MCC: variants seen among roughly 807,000 people sequenced by gnomAD.
MCC encodes the protein colorectal mutant cancer protein.
A neutral mutation model predicts 116.2 loss-of-function variants in MCC; 90 were observed. That is an observed-to-expected ratio of 0.77 (90% CI 0.65 to 0.92). The LOEUF is 0.92. Ranked by LOEUF, MCC falls within the 40% of genes least tolerant of loss-of-function variation. The pLI, the probability that MCC is intolerant of heterozygous loss-of-function variation, is 0.00. For missense variants in MCC, 1,516 were observed against 1,312.2 expected (o/e 1.16, Z -2.40); for synonymous variants, 578 against 510.5 (o/e 1.13, Z -1.78).
chr5:113,137,138 C>G (rs1480445386), intron 5 of MCC, among the ~76,000 whole-genome samples: 1 of 152,104 alleles, frequency 6.6e-6, no homozygotes, highest in South Asian at 2.1e-4. Context: ...CCTCAGAAAA[C>G]TTATAATCAT....
chr5:113,146,794 G>A (rs1467081051), intron 4 of MCC, among the ~76,000 whole-genome samples: 1 of 152,122 alleles, frequency 6.6e-6, no homozygotes. Flanking sequence ...ATAAAAATTG[G>A]TCTCAAATAA....
intron 2 of MCC, among the ~76,000 whole-genome samples, chr5:113,356,418 T>A (rs186627724): frequency 2.1e-5 from 3 of 145,034 alleles, no homozygotes; most frequent in East Asian, 2.0e-4. Context: ...AGTTTTAAAA[T>A]ATATATATAT....
intron 3 of MCC, among the ~76,000 whole-genome samples, chr5:113,229,950 C>CAA (rs1308786841): frequency 5.3e-5 from 8 of 152,144 alleles, no homozygotes; most frequent in African/African-American, 1.9e-4. Flanking sequence ...AAAATGTATC[C>CAA]CAGTTGTTAA....
chr5:113,025,666 G>A lies in MCC; in HGVS notation c.*1636C>T, dbSNP rs1282382079. The A allele has an allele frequency of 6.6e-6, 1 of 151,658 alleles. No homozygotes were observed. Among genetic ancestry groups the A allele is most frequent in the Non-Finnish European group, 1.5e-5 (1 of 67,988 alleles). The allele number at this position is 151,658 out of a possible 1,614,324, so 9.4% of individuals were successfully genotyped here. A position where few individuals can be genotyped will look rare whatever the true frequency, so the allele number is the denominator to read the frequency against. On this transcript the variant is annotated 3_prime_UTR_variant, in exon 19 of 19. Transcript: ENST00000408903. Reference sequence around the variant, plus strand: ...ACAGAAACCAGTGAACATTTTCATAGTGATCAAAGCACCCCAAAGCTGGTC... The same window carrying A: ...ACAGAAACCAGTGAACATTTTCATAATGATCAAAGCACCCCAAAGCTGGTC...
chr5:113,077,148 T>C (rs896161181), intron 11 of MCC, among the ~76,000 whole-genome samples: 2 of 152,086 alleles, frequency 1.3e-5, no homozygotes, highest in African/African-American at 4.8e-5. Flanking sequence ...AGCACCCAGA[T>C]TCATAAAGCA....
At chr5:113,115,400 A>G (rs1468279614) in intron 6 of MCC, among the ~76,000 whole-genome samples, 2 of 152,186 alleles carry the variant, frequency 1.3e-5, no homozygotes, top group African/African-American at 4.8e-5. Flanking sequence ...CAGGACTTCT[A>G]TTTTAGTAAA....
chr5:113,327,560 AAATATAT>A lies in MCC; in HGVS notation c.627+12952_627+12958del, dbSNP rs1265862056. Among the ~76,000 whole-genome samples the A allele has an allele frequency of 3.0e-5, 3 of 100,384 alleles. No individual in the cohort carries two copies. The East Asian group carries it at 6.9e-4, about 23-fold the overall frequency. The allele number at this position is 100,384 out of a possible 152,430, so 65.9% of individuals were successfully genotyped here. ...GACTCAGTCTCAAAAAAAAAAAAAA[AAATATAT>A]ATATATATATATATATATAAAAATC... On this transcript the variant is annotated intron_variant, in intron 3 of 18. Transcript: ENST00000408903.
At chr5:113,241,776 C>T (rs1436617336) in intron 3 of MCC, among the ~76,000 whole-genome samples, 3 of 152,216 alleles carry the variant, frequency 2.0e-5, no homozygotes, top group African/African-American at 7.2e-5. Flanking sequence ...AAGTTTCATT[C>T]TGCCAAATGT....
At chr5:113,433,260 G>C in intron 1 of MCC, 1 of 188,354 alleles carries the variant, frequency 5.3e-6, no homozygotes, top group Non-Finnish European at 1.1e-5. Flanking sequence ...CCTCGTCCCC[G>C]TCCAGCCCCA....
intron 3 of MCC, among the ~76,000 whole-genome samples, chr5:113,159,636 A>T (rs1760371639): frequency 6.6e-6 from 1 of 152,150 alleles, no homozygotes; most frequent in South Asian, 2.1e-4. Flanking sequence ...GCACATGAAA[A>T]AGCCTCATTC....
chr5:113,313,893 T>G (rs562852429), intron 3 of MCC, among the ~76,000 whole-genome samples: 250 of 152,286 alleles, frequency 1.6e-3, no homozygotes, highest in African/African-American at 5.7e-3. Flanking sequence ...TGATCACAGC[T>G]CACTGCAGCC....
At chr5:113,486,841 A>AT (rs1452351979) in intron 1 of MCC, among the ~76,000 whole-genome samples, 1 of 13,886 alleles carries the variant, frequency 7.2e-5, no homozygotes, top group Non-Finnish European at 1.6e-4. Context: ...GATTCTGTCT[A>AT]AAAAAAAAAA....
intron 8 of MCC, among the ~76,000 whole-genome samples, chr5:113,092,720 G>A (rs898133100): frequency 7.9e-5 from 12 of 152,186 alleles, no homozygotes; most frequent in Non-Finnish European, 1.8e-4. Flanking sequence ...AGCTGACACT[G>A]ACGTAGGTGG....
intron 2 of MCC, among the ~76,000 whole-genome samples, chr5:113,357,190 T>G (rs572140025): frequency 3.3e-5 from 5 of 152,314 alleles, no homozygotes; most frequent in African/African-American, 1.2e-4. Flanking sequence ...TGTACAGCAT[T>G]TAAGACAATC....
At chr5:113,131,912 T>C (rs1219411357) in intron 5 of MCC, among the ~76,000 whole-genome samples, 3 of 152,136 alleles carry the variant, frequency 2.0e-5, no homozygotes, top group South Asian at 4.1e-4. Context: ...CCACCCTCTT[T>C]AGCTACTCAG....
chr5:113,449,211 A>G (rs758705746), intron 1 of MCC, among the ~76,000 whole-genome samples: 1 of 152,222 alleles, frequency 6.6e-6, no homozygotes, highest in Non-Finnish European at 1.5e-5. Flanking sequence ...AGCACCAGGG[A>G]TTTAAGTGAA....
At chr5:113,302,820 A>T (rs1195253985) in intron 3 of MCC, among the ~76,000 whole-genome samples, 1 of 152,240 alleles carries the variant, frequency 6.6e-6, no homozygotes, top group African/African-American at 2.4e-5. Context: ...CAAGATAATT[A>T]TTCCTTCTGT....
intron 1 of MCC, among the ~76,000 whole-genome samples, chr5:113,424,202 T>G (rs550633418): frequency 7.8e-4 from 116 of 148,794 alleles, no homozygotes; most frequent in Non-Finnish European, 1.5e-3. Context: ...TCAGCTTTGT[T>G]ATGCCTCGCC....
At chr5:113,100,937 C>T (rs1272850276) in intron 8 of MCC, among the ~76,000 whole-genome samples, 4 of 152,190 alleles carry the variant, frequency 2.6e-5, no homozygotes, top group Non-Finnish European at 5.9e-5. Context: ...GAATTCATTG[C>T]TTCACCCCCA....
Sources: allele counts gnomAD v4.1 joint callset (sites outside exome capture counted in the v4.1 genomes callset), GRCh38; gene constraint gnomAD v4.1.1; transcripts MANE v1.5; gene names NCBI Gene and HGNC (gene_info 2026-07-23, HGNC 2026-07-21).